Variants in LYN observed in about 807,000 individuals in gnomAD.
LYN encodes tyrosine-protein kinase Lyn.
LYN carries 12 observed loss-of-function variants against 65.0 expected under a neutral mutation model. The ratio of observed to expected loss-of-function variants is 0.18; its 90% CI spans 0.12 to 0.30. LYN has a LOEUF of 0.30. LYN is among the 10% of genes least tolerant of loss of function. LYN has a pLI of 1.00. For missense variants in LYN, 380 were observed against 623.2 expected (o/e 0.61, Z 4.16); for synonymous variants, 222 against 221.2 (o/e 1.00, Z -0.03).
At chr8:55,922,720 T>C (rs1476341029) in intron 1 of LYN, among the ~76,000 whole-genome samples, 2 of 151,952 alleles carry the variant, frequency 1.3e-5, no homozygotes, top group African/African-American at 4.8e-5. Context: ...TGAGCTGAGA[T>C]TGTGCCACTG....
chr8:55,893,449 A>G (rs1438845249), intron 1 of LYN: 1 of 152,240 alleles, frequency 6.6e-6, no homozygotes, highest in Non-Finnish European at 1.5e-5. Flanking sequence ...CTGTTCTTCA[A>G]TAAAATAAAG....
intron 10 of LYN, among the ~76,000 whole-genome samples, chr8:55,988,326 G>GTT (rs1191689034): frequency 6.6e-6 from 1 of 151,420 alleles, no homozygotes; most frequent in Non-Finnish European, 1.5e-5. Context: ...GTGTGTGTGT[G>GTT]TGTTTACATC....
At chr8:55,911,812 C>T (rs1447331680) in intron 1 of LYN, among the ~76,000 whole-genome samples, 4 of 152,000 alleles carry the variant, frequency 2.6e-5, no homozygotes, top group East Asian at 3.9e-4. Context: ...GAATCAAGGG[C>T]GACTTCTTGG....
intron 12 of LYN, among the ~76,000 whole-genome samples, chr8:56,004,307 T>C (rs1808617159): frequency 1.3e-5 from 2 of 151,050 alleles, no homozygotes; most frequent in African/African-American, 4.9e-5. Flanking sequence ...TTTTTTTTTT[T>C]TTTTGAGACA....
chr8:55,970,363 T>C (rs1193246078), intron 10 of LYN, among the ~76,000 whole-genome samples: 2 of 152,202 alleles, frequency 1.3e-5, no homozygotes, highest in South Asian at 2.1e-4. Flanking sequence ...TCCTGAAGTG[T>C]ATTTAAGAGC....
At chr8:55,883,149 AT>A (rs1309779359) in intron 1 of LYN, among the ~76,000 whole-genome samples, 2 of 152,224 alleles carry the variant, frequency 1.3e-5, no homozygotes, top group African/African-American at 4.8e-5. Context: ...TGAATACTGT[AT>A]TAAAAGTGAA....
At chr8:55,938,869 C>G (rs1340338009) in intron 1 of LYN, among the ~76,000 whole-genome samples, 7 of 152,188 alleles carry the variant, frequency 4.6e-5, no homozygotes, top group Admixed American at 3.9e-4. Flanking sequence ...CTTAGCCTCA[C>G]CCCTCCCAGC....
chr8:55,888,863 T>C (rs966211362), intron 1 of LYN, among the ~76,000 whole-genome samples: 2 of 152,150 alleles, frequency 1.3e-5, no homozygotes, highest in African/African-American at 4.8e-5. Context: ...AGCAAAATTT[T>C]AATATGGAGT....
intron 1 of LYN, among the ~76,000 whole-genome samples, chr8:55,906,328 T>G (rs1348945053): frequency 6.9e-6 from 1 of 145,574 alleles, no homozygotes; most frequent in East Asian, 1.9e-4. Context: ...CAAGAATTCG[T>G]TTTTTTTGTT....
intron 10 of LYN, among the ~76,000 whole-genome samples, chr8:55,976,038 T>A (rs1807742184): frequency 6.6e-6 from 1 of 152,076 alleles, no homozygotes; most frequent in Non-Finnish European, 1.5e-5. Context: ...AGTGCTACCG[T>A]AAGTCACAAA....
chr8:55,962,094 A>G (rs999596200), intron 8 of LYN, among the ~76,000 whole-genome samples: 4 of 152,218 alleles, frequency 2.6e-5, no homozygotes, highest in African/African-American at 9.6e-5. Flanking sequence ...GGTTGGTGAG[A>G]GGCATCCATG....
In LYN at chr8:55,941,851, A is replaced by G. The variant is rs1563520850; in HGVS notation, c.-5-4A>G. 5 of 1,612,044 alleles carry G rather than the reference A, an allele frequency of 3.1e-6. No individual in the cohort carries two copies. Among genetic ancestry groups the G allele is most frequent in the Non-Finnish European group, 4.2e-6 (5 of 1,178,902 alleles). On this transcript the variant is annotated splice_region_variant and splice_polypyrimidine_tract_variant and intron_variant, in intron 1 of 12. Coordinates refer to ENST00000519728, the MANE Select transcript of LYN (RefSeq NM_002350.4). ...ACAATGTCATTACTTTTATGTTTCA[A>G]CAGGAAATATGGGATGTATAAAATC...
In LYN at chr8:55,894,375, ATT is replaced by A. The variant is rs34910040; in HGVS notation, c.-6+14284_-6+14285del. On this transcript the variant is annotated intron_variant, in intron 1 of 12. Coordinates refer to ENST00000519728, the MANE Select transcript of LYN (RefSeq NM_002350.4). Reference sequence around the variant, plus strand: ...CCACTGTGCCAGATTAACTTTCTTAATTTTTTTTTTTTTGAGACAGTGGTCAC... The same window carrying A: ...CCACTGTGCCAGATTAACTTTCTTAATTTTTTTTTTTGAGACAGTGGTCAC... Among the ~76,000 whole-genome samples, 41 of 144,958 alleles carry A rather than the reference ATT, an allele frequency of 2.8e-4. 1 individual carries two copies. Among genetic ancestry groups the A allele is most frequent in the Admixed American group, 6.2e-4 (9 of 14,552 alleles).
chr8:55,942,451 A>G (rs576925148), intron 2 of LYN, among the ~76,000 whole-genome samples: 1 of 148,786 alleles, frequency 6.7e-6, no homozygotes, highest in Non-Finnish European at 1.5e-5. Context: ...GTGTATATAT[A>G]TATATATACA....
intron 12 of LYN, among the ~76,000 whole-genome samples, chr8:56,001,162 A>T (rs1808500301): frequency 1.3e-5 from 2 of 152,090 alleles, no homozygotes. Flanking sequence ...CCATGGGGAG[A>T]GCAGCCAGAG....
chr8:55,933,728 A>G (rs1806333726), intron 1 of LYN, among the ~76,000 whole-genome samples: 1 of 152,234 alleles, frequency 6.6e-6, no homozygotes, highest in Non-Finnish European at 1.5e-5. Context: ...CCTTCCAGGC[A>G]GAGCCACATT....
chr8:55,970,116 T>C lies in LYN; in HGVS notation c.1050+323T>C, dbSNP rs564467131. On this transcript the variant is annotated intron_variant, in intron 10 of 12. Transcript: ENST00000519728. Reference sequence around the variant, plus strand: ...GCATTTGGGAGAGGCAGTTCCATGCTATGTAAGCACAGCAGCTTTTAAATG... The same window carrying C: ...GCATTTGGGAGAGGCAGTTCCATGCCATGTAAGCACAGCAGCTTTTAAATG... Among the ~76,000 whole-genome samples the C allele has an allele frequency of 3.9e-5, 6 of 152,336 alleles. No homozygotes were observed. In the South Asian group the frequency reaches 1.2e-3, roughly 32 times the overall value.
At chr8:55,903,424 C>A (rs964873805) in intron 1 of LYN, among the ~76,000 whole-genome samples, 2 of 152,138 alleles carry the variant, frequency 1.3e-5, no homozygotes, top group African/African-American at 2.4e-5. Context: ...TATATCATGC[C>A]CTGTGAGGGA....
intron 10 of LYN, among the ~76,000 whole-genome samples, chr8:55,974,446 C>CTT (rs1807697059): frequency 6.6e-6 from 1 of 152,210 alleles, no homozygotes; most frequent in South Asian, 2.1e-4. Flanking sequence ...TAGGAAAACT[C>CTT]TATCTAGGAA....
Sources: allele counts gnomAD v4.1 joint callset (sites outside exome capture counted in the v4.1 genomes callset), GRCh38; gene constraint gnomAD v4.1.1; transcripts MANE v1.5; gene names NCBI Gene and HGNC (gene_info 2026-07-23, HGNC 2026-07-21).